The following CD109 variants were observed in gnomAD, a reference collection of about 807,000 sequenced individuals.
CD109 encodes CD109 molecule, also known as CD109 antigen.
In CD109, 149 loss-of-function variants were observed where a neutral mutation model predicts 165.8. The observed-to-expected ratio is 0.90, with a 90% CI of 0.79 to 1.03. The LOEUF is 1.03. CD109 is among the 50% of genes least tolerant of loss of function. The pLI, the probability that CD109 is intolerant of heterozygous loss-of-function variation, is 0.00. For missense variants in CD109, 1,712 were observed against 1,677.8 expected (o/e 1.02, Z -0.36); for synonymous variants, 585 against 592.1 (o/e 0.99, Z 0.18).
chr6:73,792,776 A>G lies in CD109; in HGVS notation c.2852A>G (p.Glu951Gly). The change falls in exon 23 of 33, where the codon GAA becomes GGA. Residue 951 changes from glutamate to glycine, a missense_variant. Physicochemically the swap from Glu to Gly is moderately conservative, Grantham distance 98. Transcript: ENST00000287097. Reference protein sequence around the residue: ...KKKQLTDNLKEKALSFMRQGY... With the variant: ...KKKQLTDNLKGKALSFMRQGY... ...AAACAACTGACAGATAATTTGAAAG[A>G]AAAAGCTCTTTCATTTATGAGGCAA... is the stretch of plus-strand genomic sequence containing the variant. The G allele has an allele frequency of 1.2e-6, 2 of 1,610,198 alleles. No homozygotes were observed. The highest frequency in any genetic ancestry group is 1.7e-6 in the Non-Finnish European group (2 of 1,179,490).
intron 2 of CD109, among the ~76,000 whole-genome samples, chr6:73,718,512 T>C (rs900475687): frequency 3.4e-4 from 52 of 152,310 alleles, no homozygotes; most frequent in African/African-American, 1.1e-3. Flanking sequence ...AATGATCATG[T>C]AGTTTTTGCC....
chr6:73,740,346 C>T (rs920152584), intron 5 of CD109, among the ~76,000 whole-genome samples: 1 of 152,134 alleles, frequency 6.6e-6, no homozygotes, highest in Non-Finnish European at 1.5e-5. Flanking sequence ...ACCCTTTGTC[C>T]TAGGTCAGGA....
chr6:73,782,610 A>C lies in CD109; in HGVS notation c.1964-4A>C. 1.9e-6 allele frequency: 3 copies of C among 1,610,824 alleles called. No homozygotes were observed. Among genetic ancestry groups the C allele is most frequent in the Non-Finnish European group, 1.7e-6 (2 of 1,177,798 alleles). On this transcript the variant is annotated splice_region_variant and splice_polypyrimidine_tract_variant and intron_variant, in intron 17 of 32. Transcript: ENST00000287097. The stretch of plus-strand genomic sequence containing the variant: ...TTCTAACTACTGTCAATGTTTATTT[A>C]TAGATGACAATGCAGAATATGCTGA...
chr6:73,740,363 T>G (rs1032635006), intron 5 of CD109, among the ~76,000 whole-genome samples: 1 of 152,176 alleles, frequency 6.6e-6, no homozygotes, highest in African/African-American at 2.4e-5. Flanking sequence ...AGGAAAAGGA[T>G]CCTTTAAGTA....
At chr6:73,819,586 A>T (rs923571901) in intron 31 of CD109, among the ~76,000 whole-genome samples, 2 of 152,220 alleles carry the variant, frequency 1.3e-5, no homozygotes, top group African/African-American at 4.8e-5. Context: ...TTTTAAAAAG[A>T]TAGTTCTTGA....
At chr6:73,822,680 G>A (rs1222571843) in intron 32 of CD109, among the ~76,000 whole-genome samples, 1 of 152,112 alleles carries the variant, frequency 6.6e-6, no homozygotes, top group Admixed American at 6.6e-5. Context: ...AAATAATTCA[G>A]TCTATGCAAA....
intron 31 of CD109, among the ~76,000 whole-genome samples, chr6:73,819,709 GA>G (rs1413836473): frequency 6.6e-6 from 1 of 152,126 alleles, no homozygotes; most frequent in Non-Finnish European, 1.5e-5. Flanking sequence ...TGCTGTTTAG[GA>G]ATTATCTTAC....
chr6:73,810,412 C>A (rs1328904751), intron 27 of CD109, among the ~76,000 whole-genome samples: 1 of 151,538 alleles, frequency 6.6e-6, no homozygotes, highest in Admixed American at 6.6e-5. Context: ...TTTTTCTCCT[C>A]ATTACTATGA....
At chr6:73,769,992 A>G (rs1773978761) in intron 14 of CD109, among the ~76,000 whole-genome samples, 1 of 152,244 alleles carries the variant, frequency 6.6e-6, no homozygotes. Flanking sequence ...AAAAGGCAGA[A>G]GAGTTTTTAA....
chr6:73,684,299 A>C, the CD109 span, among the ~76,000 whole-genome samples: 2 of 148,990 alleles, frequency 1.3e-5, no homozygotes, highest in African/African-American at 5.0e-5. Context: ...GGCTCATTGC[A>C]AGCTTGGCTT....
chr6:73,775,595 T>C (rs1040248631), intron 15 of CD109, among the ~76,000 whole-genome samples: 6 of 152,178 alleles, frequency 3.9e-5, no homozygotes, highest in Non-Finnish European at 8.8e-5. Flanking sequence ...TAGGGGTTTG[T>C]TGTACAGATT....
chr6:73,723,230 T>C (rs1245505263), intron 2 of CD109, 21 bp from the exon 3 acceptor site: 2 of 1,612,520 alleles, frequency 1.2e-6, no homozygotes, highest in Non-Finnish European at 1.7e-6. Context: ...AACTCTGTTT[T>C]CTTTCCTGTT....
intron 20 of CD109, 34 bp downstream of exon 20, chr6:73,785,511 C>T (rs1246894410): frequency 8.2e-7 from 1 of 1,218,840 alleles, no homozygotes; most frequent in Non-Finnish European, 1.2e-6. Context: ...ATCATTTACA[C>T]TACAGGAGAA....
In CD109 at chr6:73,700,790, G is replaced by GTTTTTTTTTTTTTTT. The variant is rs58140668; in HGVS notation, c.247+3233_247+3247dup. 9.7e-5 allele frequency among the ~76,000 whole-genome samples: 5 copies of GTTTTTTTTTTTTTTT among 51,478 alleles called. 2 individuals carry two copies. Among genetic ancestry groups the GTTTTTTTTTTTTTTT allele is most frequent in the Non-Finnish European group, 1.8e-4 (5 of 27,714 alleles). The allele number at this position is 51,478 out of a possible 152,430, so 33.8% of individuals were successfully genotyped here. A position where few individuals can be genotyped will look rare whatever the true frequency, so the allele number is the denominator to read the frequency against. On this transcript the variant is annotated intron_variant, in intron 2 of 32. Coordinates refer to ENST00000287097, the MANE Select transcript of CD109 (RefSeq NM_133493.5). ...CTACATTTATTGGGGATTGATTGTA[G>GTTTTTTTTTTTTTTT]TTTTTTTTTTTTTTTTTTTTTTTTT...
Position 73,768,037 on chromosome 6 carries a change from A to G in CD109, c.1498-18A>G. On this transcript the variant is annotated intron_variant, in intron 13 of 32. Coordinates refer to ENST00000287097, the MANE Select transcript of CD109 (RefSeq NM_133493.5). The stretch of plus-strand genomic sequence containing the variant: ...CTAGGTTTGGCAATAAATTAAACCC[A>G]TCTACTGTTCTTTTCAGGTAGTATC... The G allele has an allele frequency of 6.2e-7, 1 of 1,604,928 alleles. No individual in the cohort carries two copies. The highest frequency in any genetic ancestry group is 1.1e-5 in the South Asian group (1 of 89,930).
rs560734157 is a variant in CD109, at chr6:73,811,032, C to A, written c.3587C>A (p.Ala1196Asp). Residue 1196 changes from alanine (A) to aspartate (D), a missense_variant, in exon 28 of 33, where the codon GCC becomes GAC. Coordinates refer to ENST00000287097, the MANE Select transcript of CD109 (RefSeq NM_133493.5). ...VALKALSEFA[A>D]LMNTERTNIQ... ...TTAAAGGCTCTGTCTGAATTTGCAGCCCTAATGAATACAGAAAGGACAAAT... is the reference window on the plus strand; with the variant it reads ...TTAAAGGCTCTGTCTGAATTTGCAGACCTAATGAATACAGAAAGGACAAAT... 30 of 1,613,322 alleles carry A rather than the reference C, an allele frequency of 1.9e-5. No homozygotes were observed. In the South Asian group the frequency reaches 2.6e-4, roughly 14 times the overall value.
intron 2 of CD109, among the ~76,000 whole-genome samples, chr6:73,717,415 TA>T (rs1435423152): frequency 1.3e-5 from 2 of 152,098 alleles, no homozygotes; most frequent in African/African-American, 4.8e-5. Context: ...GAACATGGAA[TA>T]TCTTTTCATT....
chr6:73,775,051 T>G lies in CD109; in HGVS notation c.1827+3470T>G, dbSNP rs143881928. 1.1e-3 allele frequency among the ~76,000 whole-genome samples: 166 copies of G among 152,272 alleles called. 1 individual carries two copies. The highest frequency in any genetic ancestry group is 3.9e-3 in the African/African-American group (160 of 41,550). ...ATAATTTTTAGACATTAGCCTTCTT[T>G]TCGTTAGCCTATGCTGCAGCTTTGA... On this transcript the variant is annotated intron_variant, in intron 15 of 32. Coordinates refer to ENST00000287097, the MANE Select transcript of CD109 (RefSeq NM_133493.5).
intron 2 of CD109, among the ~76,000 whole-genome samples, chr6:73,717,809 C>T (rs1352381502): frequency 4.6e-5 from 7 of 151,168 alleles, no homozygotes; most frequent in Non-Finnish European, 8.9e-5. Context: ...TTAGTAGAGA[C>T]GGGGTTTCAC....
Sources: allele counts gnomAD v4.1 joint callset (sites outside exome capture counted in the v4.1 genomes callset), GRCh38; gene constraint gnomAD v4.1.1; transcripts MANE v1.5; gene names NCBI Gene and HGNC (gene_info 2026-07-23, HGNC 2026-07-21).